Variants in PPP2R5A observed in about 807,000 individuals in gnomAD.
The protein encoded by PPP2R5A is serine/threonine-protein phosphatase 2A 56 kDa regulatory subunit alpha isoform.
Under a neutral mutation model 64.2 loss-of-function variants are expected in PPP2R5A, and 25 were observed. The ratio of observed to expected loss-of-function variants is 0.39; its 90% CI spans 0.28 to 0.54. PPP2R5A has a LOEUF of 0.54. Among genes scored for constraint, PPP2R5A ranks in the 20% least tolerant of loss-of-function variants. The pLI, the probability that PPP2R5A is intolerant of heterozygous loss-of-function variation, is 0.67. For missense variants in PPP2R5A, 425 were observed against 576.3 expected, an observed-to-expected ratio of 0.74 and a Z score of 2.69; for synonymous variants, 198 against 201.2, an observed-to-expected ratio of 0.98 and a Z score of 0.13.
intron 1 of PPP2R5A, among the ~76,000 whole-genome samples, chr1:212,292,987 C>T (rs774954847): frequency 1.3e-5 from 2 of 152,118 alleles, no homozygotes; most frequent in Non-Finnish European, 1.5e-5. Context: ...CAGTAAAGCC[C>T]CTTCCTCGTC....
chr1:212,358,650 G>C, intron 11 of PPP2R5A, 36 bp from the exon 12 acceptor site: 1 of 1,450,628 alleles, frequency 6.9e-7, no homozygotes, highest in Non-Finnish European at 9.7e-7. Flanking sequence ...TCTGTTAGCA[G>C]TATCATAACT....
chr1:212,309,627 T>C, intron 1 of PPP2R5A: 1 of 566,938 alleles, frequency 1.8e-6, no homozygotes. Context: ...ACGGTCACTC[T>C]CACAGGCAGG....
intron 1 of PPP2R5A, among the ~76,000 whole-genome samples, chr1:212,319,192 C>T (rs561374308): frequency 1.3e-5 from 2 of 152,324 alleles, no homozygotes; most frequent in Admixed American, 6.5e-5. Context: ...ACTGAGCAAA[C>T]TACTGTGTTG....
chr1:212,291,150 C>T (rs1367176713), intron 1 of PPP2R5A, among the ~76,000 whole-genome samples: 5 of 151,918 alleles, frequency 3.3e-5, no homozygotes, highest in Non-Finnish European at 7.4e-5. Flanking sequence ...CGCTGTGTCC[C>T]CAGGCTAGAG....
intron 3 of PPP2R5A, 91 bp downstream of exon 3, chr1:212,333,689 T>A: frequency 1.5e-6 from 1 of 689,480 alleles, no homozygotes; most frequent in Non-Finnish European, 2.2e-6. Context: ...AGTGTCTGTG[T>A]AAAATATTTG....
Position 212,286,157 on chromosome 1 carries a change from C to G in PPP2R5A, c.47C>G (p.Ser16Trp). ...GCGGGGGCTGCCAGCGCCGCCATCT[C>G]GGCCTCGGAGAAAGTGGACGGCTTC... ...PPAGAASAAI[S>W]ASEKVDGFTR... Residue 16 changes from serine to tryptophan, a missense_variant, in exon 1 of 13, where the codon TCG becomes TGG. Ser to Trp is a radical substitution (Grantham distance 177). Around this residue, in one of 4 missense-constraint regions of PPP2R5A, gnomAD observed 104 missense variants for 95.7 expected, o/e 1.09. Coordinates refer to ENST00000261461, the MANE Select transcript of PPP2R5A (RefSeq NM_006243.4). 6.3e-7 allele frequency: 1 copy of G among 1,589,736 alleles called. No homozygotes were observed. Among genetic ancestry groups the G allele is most frequent in the Non-Finnish European group, 8.5e-7 (1 of 1,169,964 alleles).
intron 3 of PPP2R5A, 136 bp from the exon 4 acceptor site, chr1:212,342,052 C>A: frequency 7.7e-7 from 1 of 1,297,428 alleles, no homozygotes; most frequent in Non-Finnish European, 1.0e-6. Flanking sequence ...TTTTTATCAA[C>A]TCATTACATT....
intron 1 of PPP2R5A, among the ~76,000 whole-genome samples, chr1:212,314,384 T>G (rs184829925): frequency 6.6e-6 from 1 of 152,136 alleles, no homozygotes; most frequent in African/African-American, 2.4e-5. Context: ...TTTTTTTTGT[T>G]GTTGTTGTTT....
At chr1:212,320,814 G>C (rs1659265952) in intron 1 of PPP2R5A, among the ~76,000 whole-genome samples, 1 of 137,306 alleles carries the variant, frequency 7.3e-6, no homozygotes, top group Admixed American at 7.1e-5. Context: ...GCGGGGGGCT[G>C]ACCCCCCCAC....
chr1:212,334,492 C>T (rs2102436121), intron 3 of PPP2R5A, among the ~76,000 whole-genome samples: 1 of 152,202 alleles, frequency 6.6e-6, no homozygotes, highest in East Asian at 1.9e-4. Flanking sequence ...TGGGGTTTTG[C>T]CATGTTGCCC....
chr1:212,361,377 A>T lies in PPP2R5A; in HGVS notation c.*607A>T. ...ATATAAATAAAAGCTGGGAAAGTAA[A>T]CCAAAATTCTTCAGATTGTTCCTCA... is the stretch of plus-strand genomic sequence containing the variant. On this transcript the variant is annotated 3_prime_UTR_variant, in exon 13 of 13. Transcript: ENST00000261461. The T allele has an allele frequency of 6.5e-6, 1 of 152,680 alleles. No individual in the cohort carries two copies. The highest frequency in any genetic ancestry group is 1.9e-4 in the East Asian group (1 of 5,202). The allele number at this position is 152,680 out of a possible 1,614,324, so 9.5% of individuals were successfully genotyped here. A position where few individuals can be genotyped will look rare whatever the true frequency, so the allele number is the denominator to read the frequency against.
At chr1:212,342,098 T>G in intron 3 of PPP2R5A, 90 bp from the exon 4 acceptor site, 1 of 1,471,650 alleles carries the variant, frequency 6.8e-7, no homozygotes, top group Non-Finnish European at 9.1e-7. Context: ...ACTAAGTTGG[T>G]AAGAAAAGGT....
intron 1 of PPP2R5A, among the ~76,000 whole-genome samples, chr1:212,305,182 G>A (rs1296518796): frequency 4.0e-5 from 6 of 150,630 alleles, no homozygotes; most frequent in African/African-American, 1.5e-4. Flanking sequence ...GACTATAGGC[G>A]CCCGCTACCA....
chr1:212,325,183 T>G (rs528213987), intron 1 of PPP2R5A, among the ~76,000 whole-genome samples: 1 of 152,280 alleles, frequency 6.6e-6, no homozygotes, highest in African/African-American at 2.4e-5. Flanking sequence ...GAAAGAAACA[T>G]CTGTTGAATA....
At chr1:212,317,542 A>C (rs1659179944) in intron 1 of PPP2R5A, among the ~76,000 whole-genome samples, 1 of 151,662 alleles carries the variant, frequency 6.6e-6, no homozygotes, top group South Asian at 2.1e-4. Flanking sequence ...CATAACTTAC[A>C]TACTTCCATG....
At chr1:212,355,308 TATAA>T (rs554933796) in intron 8 of PPP2R5A, among the ~76,000 whole-genome samples, 1 of 152,266 alleles carries the variant, frequency 6.6e-6, no homozygotes, top group Admixed American at 6.5e-5. Context: ...TTAAGGGATA[TATAA>T]ATATACAGTT....
chr1:212,346,724 T>C (rs1374864759), intron 5 of PPP2R5A, among the ~76,000 whole-genome samples: 3 of 152,094 alleles, frequency 2.0e-5, no homozygotes, highest in African/African-American at 7.2e-5. Flanking sequence ...CATTCAAGGT[T>C]TGGTTTGTTT....
At chr1:212,317,094 C>T (rs970585262) in intron 1 of PPP2R5A, among the ~76,000 whole-genome samples, 1 of 152,134 alleles carries the variant, frequency 6.6e-6, no homozygotes, top group African/African-American at 2.4e-5. Flanking sequence ...CCTGTATTCC[C>T]CCTTTTTATT....
chr1:212,345,556 A>G (rs1659762636), intron 4 of PPP2R5A, among the ~76,000 whole-genome samples: 1 of 152,208 alleles, frequency 6.6e-6, no homozygotes, highest in South Asian at 2.1e-4. Context: ...GGGAAGGTAA[A>G]GAAAAATCCA....
Sources: gnomAD v4.1 joint callset for allele counts (sites outside exome capture counted in the v4.1 genomes callset) on GRCh38, gnomAD v4.1.1 for gene constraint, gnomAD v4.1.1 regional missense constraint, MANE v1.5 for transcripts, NCBI Gene and HGNC (gene_info 2026-07-23, HGNC 2026-07-21) for gene names.